Variants in SCARB2 observed in about 807,000 individuals in gnomAD.
The protein encoded by SCARB2 is scavenger receptor class B member 2.
SCARB2 carries 29 observed loss-of-function variants against 58.6 expected under a neutral mutation model. The ratio of observed to expected loss-of-function variants is 0.49; its 90% confidence interval spans 0.37 to 0.67. The LOEUF is 0.67. Ranked by LOEUF, SCARB2 falls within the 30% of genes least tolerant of loss-of-function variation. The probability of loss-of-function intolerance (pLI) is 0.00; values close to 1 mark genes in which losing one functional copy is unlikely to be tolerated. For missense variants in SCARB2, 488 were observed against 578.5 expected (o/e 0.84, Z 1.60); for synonymous variants, 195 against 210.1 (o/e 0.93, Z 0.62).
chr4:76,210,227 C>T (rs1560721921), intron 1 of SCARB2, among the ~76,000 whole-genome samples: 1 of 152,090 alleles, frequency 6.6e-6, no homozygotes, highest in African/African-American at 2.4e-5. Flanking sequence ...CTTATTGTTC[C>T]TATTTTCAAA....
At chr4:76,184,344 A>G (rs1264615073) in intron 2 of SCARB2, among the ~76,000 whole-genome samples, 3 of 152,266 alleles carry the variant, frequency 2.0e-5, no homozygotes, top group African/African-American at 7.2e-5. Context: ...ATCTAATGAT[A>G]AATTACATGC....
At position 76,159,698 on chromosome 4, in the gene SCARB2, G is replaced by A. The variant is rs1731855155; in HGVS notation, c.*2015C>T. 6.6e-6 allele frequency: 1 copy of A among 152,134 alleles called. No homozygotes were observed. The highest frequency in any genetic ancestry group is 2.1e-4 in the South Asian group (1 of 4,824). 9.4% of individuals were successfully genotyped at this position (152,134 alleles called of 1,614,324 possible). A position where few individuals can be genotyped will look rare whatever the true frequency, so the allele number is the denominator to read the frequency against. Reference sequence around the variant, plus strand: ...GATCATGCCACTGTACTCCAGCCTGGCGACAGAGTGAGACTCTCTCAAAAA... The same window carrying A: ...GATCATGCCACTGTACTCCAGCCTGACGACAGAGTGAGACTCTCTCAAAAA... On this transcript the variant is annotated 3_prime_UTR_variant, in exon 12 of 12. Transcript: ENST00000264896.
rs1578735640 is a variant in SCARB2 at position 76,199,918 on chromosome 4, T to A, written c.118-4054A>T. Among the ~76,000 whole-genome samples the A allele has an allele frequency of 2.6e-5, 4 of 152,180 alleles. No individual in the cohort carries two copies. The East Asian group carries it at 7.7e-4, about 29-fold the overall frequency. On this transcript the variant is annotated intron_variant, in intron 1 of 11. Transcript: ENST00000264896. ...ACAAGATGGCCCAGAGAGGGCTCTGTTTTGACTTAAACTTTTAATTTCTGC... is the reference window on the plus strand; with the variant it reads ...ACAAGATGGCCCAGAGAGGGCTCTGATTTGACTTAAACTTTTAATTTCTGC...
chr4:76,164,718 T>C (rs1442802601), intron 10 of SCARB2: 1 of 151,678 alleles, frequency 6.6e-6, no homozygotes, highest in Non-Finnish European at 1.5e-5. Flanking sequence ...GGAGGATCAC[T>C]TGAGCCCGGG....
At chr4:76,212,016 C>CG (rs1472887901) in intron 1 of SCARB2, among the ~76,000 whole-genome samples, 4 of 152,162 alleles carry the variant, frequency 2.6e-5, no homozygotes, top group Non-Finnish European at 5.9e-5. Context: ...CACAGAGAAT[C>CG]TAAGGGCTGG....
Position 76,179,627 on chromosome 4 carries a change from A to T in SCARB2, c.502T>A (p.Phe168Ile). Residue 168 changes from phenylalanine (F) to isoleucine (I), a missense_variant, in exon 4 of 12, where the codon TTT becomes ATT. By Grantham distance (21) the Phe-to-Ile change is conservative. Coordinates refer to ENST00000264896, the MANE Select transcript of SCARB2 (RefSeq NM_005506.4). ...AMLKAYQQKLFVTHTVDELLW... is the reference protein window; with the variant it reads ...AMLKAYQQKLIVTHTVDELLW... ...AATTCGTCAACTGTGTGAGTCACAA[A>T]GAGCTTCTGCTGATAGGCTTTCAAC... 1 of 1,614,134 alleles carries T rather than the reference A, an allele frequency of 6.2e-7. No individual in the cohort carries two copies. The highest frequency in any genetic ancestry group is 8.5e-7 in the Non-Finnish European group (1 of 1,179,968).
upstream of SCARB2, chr4:76,214,198 C>A (rs1249583002): frequency 8.0e-4 from 361 of 454,042 alleles, 2 homozygotes; most frequent in Non-Finnish European, 1.0e-3. Context: ...TAGAGGCGCT[C>A]GCAAGTTAGC....
chr4:76,176,181 T>G (rs1732247835), intron 5 of SCARB2: 1 of 603,664 alleles, frequency 1.7e-6, no homozygotes, highest in South Asian at 2.0e-5. Flanking sequence ...ACTCAATGAC[T>G]ACTAAGCAAG....
chr4:76,214,265 TGCTGAGATCATGCCA>T (rs1468322172), upstream of SCARB2: 1 of 455,720 alleles, frequency 2.2e-6, no homozygotes, highest in Non-Finnish European at 4.4e-6. Flanking sequence ...ACCAGGTGCC[TGCTGAGATCATGCCA>T]GCAAGCATGT....
At chr4:76,214,943 A>G (rs145531218), upstream of SCARB2, among the ~76,000 whole-genome samples, 62 of 152,336 alleles carry the variant, frequency 4.1e-4, no homozygotes, top group East Asian at 9.1e-3. Flanking sequence ...GGTGGAAGGA[A>G]GCATTTGATA....
chr4:76,167,804 C>G (rs886067302), intron 9 of SCARB2, among the ~76,000 whole-genome samples: 2 of 151,718 alleles, frequency 1.3e-5, no homozygotes, highest in Non-Finnish European at 2.9e-5. Context: ...GCCTCAGCCT[C>G]CCGAATAGCT....
intron 1 of SCARB2, among the ~76,000 whole-genome samples, chr4:76,199,341 A>C (rs982454822): frequency 2.6e-5 from 4 of 152,232 alleles, no homozygotes; most frequent in African/African-American, 9.6e-5. Flanking sequence ...ATTTCAGATA[A>C]ACAACAAATA....
intron 2 of SCARB2, among the ~76,000 whole-genome samples, chr4:76,187,238 A>G (rs1732504936): frequency 6.6e-6 from 1 of 152,242 alleles, no homozygotes; most frequent in African/African-American, 2.4e-5. Context: ...AATGTTGAAA[A>G]AGAATAGACT....
intron 6 of SCARB2, 29 bp from the exon 7 acceptor site, chr4:76,174,342 T>C (rs949777353): frequency 1.9e-6 from 3 of 1,609,668 alleles, no homozygotes; most frequent in Non-Finnish European, 1.7e-6. Context: ...AAAAAGTGAA[T>C]GTGGACTCTG....
At chr4:76,210,227 CTAT>C (rs1164697157) in intron 1 of SCARB2, among the ~76,000 whole-genome samples, 1 of 152,090 alleles carries the variant, frequency 6.6e-6, no homozygotes, top group Non-Finnish European at 1.5e-5. Flanking sequence ...CTTATTGTTC[CTAT>C]TTTCAAAATG....
At position 76,198,843 on chromosome 4, in the gene SCARB2, T is replaced by A. The variant is rs1342754610; in HGVS notation, c.118-2979A>T. On this transcript the variant is annotated intron_variant, in intron 1 of 11. Coordinates refer to ENST00000264896, the MANE Select transcript of SCARB2 (RefSeq NM_005506.4). The stretch of plus-strand genomic sequence containing the variant: ...GATCACGTGCTGGAGAGTGAGTGAG[T>A]GTGTGTGTGTGTGTGTGTGTGTGTG... Among the ~76,000 whole-genome samples, 5 of 93,040 alleles carry A rather than the reference T, an allele frequency of 5.4e-5. No homozygotes were observed. In the South Asian group the frequency reaches 1.0e-3, roughly 19 times the overall value. The allele number at this position is 93,040 out of a possible 152,430, so 61.0% of individuals were successfully genotyped here.
At chr4:76,179,926 C>A in intron 3 of SCARB2, 1 of 585,574 alleles carries the variant, frequency 1.7e-6, no homozygotes, top group Non-Finnish European at 3.1e-6. Flanking sequence ...GTAATATTTA[C>A]AAAGAGACCA....
At chr4:76,176,659 A>G in intron 4 of SCARB2, 131 bp from the exon 5 acceptor site, 1 of 662,416 alleles carries the variant, frequency 1.5e-6, no homozygotes, top group Non-Finnish European at 2.7e-6. Context: ...TGTAGGTGTG[A>G]TTAATATCTA....
upstream of SCARB2, chr4:76,213,855 G>C (rs958788731): frequency 5.0e-6 from 1 of 198,028 alleles, no homozygotes; most frequent in Non-Finnish European, 1.0e-5. Flanking sequence ...TGACGTTCGC[G>C]GGCCGGGCTC....
Sources: allele counts gnomAD v4.1 joint callset (sites outside exome capture counted in the v4.1 genomes callset), GRCh38; gene constraint gnomAD v4.1.1; transcripts MANE v1.5; gene names NCBI Gene and HGNC (gene_info 2026-07-23, HGNC 2026-07-21).